Variants in LRRC4C observed in about 807,000 individuals in gnomAD.
LRRC4C encodes the protein leucine rich repeat containing 4C, also known as leucine-rich repeat-containing protein 4C.
In LRRC4C, 5 loss-of-function variants were observed where a neutral mutation model predicts 33.6. The observed-to-expected ratio is 0.15, with a 90% CI of 0.08 to 0.31. LRRC4C has a LOEUF of 0.31. Among genes scored for constraint, LRRC4C ranks in the 10% least tolerant of loss-of-function variants. The pLI is 1.00. For synonymous variants in LRRC4C, 329 were observed against 302.0 expected (o/e 1.09, Z -0.93); for missense variants, 560 against 796.7 (o/e 0.70, Z 3.58).
chr11:40,267,202 A>G (rs1206918928), intron 4 of LRRC4C, among the ~76,000 whole-genome samples: 2 of 152,140 alleles, frequency 1.3e-5, no homozygotes, highest in Non-Finnish European at 2.9e-5. Flanking sequence ...CCTCAATGGC[A>G]TGCATGATCT....
At chr11:41,241,999 G>GT (rs1311168672) in intron 1 of LRRC4C, among the ~76,000 whole-genome samples, 2 of 151,880 alleles carry the variant, frequency 1.3e-5, no homozygotes, top group Admixed American at 6.6e-5. Context: ...CTTTGCTTAA[G>GT]TTTTTTTTGT....
chr11:40,880,454 G>C (rs1286136916), intron 2 of LRRC4C, among the ~76,000 whole-genome samples: 1 of 148,392 alleles, frequency 6.7e-6, no homozygotes. Context: ...GGAGGAGTTT[G>C]ACTTTTTATA....
intron 3 of LRRC4C, among the ~76,000 whole-genome samples, chr11:40,437,404 T>C (rs1590732591): frequency 6.6e-6 from 1 of 152,018 alleles, no homozygotes; most frequent in South Asian, 2.1e-4. Context: ...TTTCTTTTTT[T>C]TTTTTTGGAG....
intron 2 of LRRC4C, among the ~76,000 whole-genome samples, chr11:40,787,494 C>T (rs933846726): frequency 6.6e-6 from 1 of 152,186 alleles, no homozygotes; most frequent in Non-Finnish European, 1.5e-5. Context: ...CAGTTTTCAA[C>T]GTGATCCCAT....
chr11:41,201,032 C>A (rs1006662973), intron 1 of LRRC4C, among the ~76,000 whole-genome samples: 6 of 152,068 alleles, frequency 3.9e-5, no homozygotes, highest in African/African-American at 1.4e-4. Flanking sequence ...ATGTTAATTT[C>A]CAATGTTTTA....
chr11:40,835,800 G>C (rs1299298772), intron 2 of LRRC4C, among the ~76,000 whole-genome samples: 1 of 152,096 alleles, frequency 6.6e-6, no homozygotes, highest in Non-Finnish European at 1.5e-5. Context: ...ATGTTGACCA[G>C]ATTAAATAAT....
At position 40,707,488 on chromosome 11, in the gene LRRC4C, TTTTG is replaced by T. The variant is rs1256183955; in HGVS notation, c.-406-59214_-406-59211del. Among the ~76,000 whole-genome samples the T allele has an allele frequency of 3.3e-5, 5 of 152,176 alleles. No homozygotes were observed. In the East Asian group the frequency reaches 5.8e-4, roughly 18 times the overall value. On this transcript the variant is annotated intron_variant, in intron 2 of 6. Coordinates refer to ENST00000528697, the MANE Select transcript of LRRC4C (RefSeq NM_001258419.2). Reference sequence around the variant, plus strand: ...ATAATCATGTGGTTTTTGTCTTTGGTTTTGTTTATGTGATGGATTACATTTATTG... The same window carrying T: ...ATAATCATGTGGTTTTTGTCTTTGGTTTTATGTGATGGATTACATTTATTG...
intron 1 of LRRC4C, among the ~76,000 whole-genome samples, chr11:41,438,074 A>ACATAAATAAT (rs1565673258): frequency 4.2e-4 from 29 of 69,244 alleles, no homozygotes; most frequent in South Asian, 1.1e-3. Context: ...AATAAATAAT[A>ACATAAATAAT]AAAAAAAATA....
chr11:40,529,920 G>A (rs961669895), intron 3 of LRRC4C, among the ~76,000 whole-genome samples: 2 of 152,034 alleles, frequency 1.3e-5, no homozygotes, highest in African/African-American at 4.8e-5. Context: ...GTAAACCTAT[G>A]TAACAAACCT....
chr11:40,369,858 G>A (rs1948374136), intron 3 of LRRC4C, among the ~76,000 whole-genome samples: 4 of 152,150 alleles, frequency 2.6e-5, no homozygotes, highest in Admixed American at 2.6e-4. Flanking sequence ...GTTAGGTACA[G>A]GAAGCAAATA....
At chr11:40,491,520 A>G (rs182699835) in intron 3 of LRRC4C, among the ~76,000 whole-genome samples, 13 of 152,178 alleles carry the variant, frequency 8.5e-5, no homozygotes, top group South Asian at 2.1e-4. Context: ...TTCACCATCT[A>G]TTGACAGAAT....
chr11:41,018,779 G>A (rs556199270), intron 1 of LRRC4C, among the ~76,000 whole-genome samples: 14 of 152,234 alleles, frequency 9.2e-5, no homozygotes, highest in African/African-American at 2.4e-4. Flanking sequence ...GTGACTCTGC[G>A]TGGTGGTGAA....
intron 1 of LRRC4C, among the ~76,000 whole-genome samples, chr11:41,218,121 T>C (rs1947140175): frequency 1.5e-5 from 2 of 135,950 alleles, no homozygotes; most frequent in African/African-American, 2.8e-5. Context: ...TTACAGACTA[T>C]GACTTCCTCA....
chr11:40,643,472 C>T (rs1292774089), intron 3 of LRRC4C, among the ~76,000 whole-genome samples: 1 of 152,116 alleles, frequency 6.6e-6, no homozygotes, highest in Non-Finnish European at 1.5e-5. Context: ...CCAGGCCACC[C>T]TCCACCCTTT....
At chr11:41,123,765 T>A (rs1177869769) in intron 1 of LRRC4C, among the ~76,000 whole-genome samples, 1 of 152,294 alleles carries the variant, frequency 6.6e-6, no homozygotes, top group East Asian at 1.9e-4. Flanking sequence ...TAAAACATTG[T>A]GCCTATAATT....
chr11:40,281,355 C>G (rs1385890091), intron 4 of LRRC4C, among the ~76,000 whole-genome samples: 1 of 152,166 alleles, frequency 6.6e-6, no homozygotes, highest in Non-Finnish European at 1.5e-5. Flanking sequence ...AGGTGAGCCT[C>G]TCTAGAGATC....
intron 2 of LRRC4C, among the ~76,000 whole-genome samples, chr11:40,809,978 C>G (rs183276666): frequency 7.5e-4 from 114 of 152,286 alleles, no homozygotes; most frequent in Non-Finnish European, 1.4e-3. Context: ...ATTACTCTTT[C>G]TTTACTCCAC....
At chr11:40,277,833 T>C (rs770345521) in intron 4 of LRRC4C, among the ~76,000 whole-genome samples, 6 of 152,148 alleles carry the variant, frequency 3.9e-5, no homozygotes, top group Non-Finnish European at 8.8e-5. Flanking sequence ...CCATAAATGT[T>C]ACCTATCGCT....
intron 1 of LRRC4C, among the ~76,000 whole-genome samples, chr11:41,240,047 T>C (rs913251219): frequency 1.3e-5 from 2 of 152,168 alleles, no homozygotes; most frequent in African/African-American, 4.8e-5. Context: ...TTAATAAAAG[T>C]CAGGTCTCTT....
Sources: gnomAD v4.1 joint callset for allele counts (sites outside exome capture counted in the v4.1 genomes callset) on GRCh38, gnomAD v4.1.1 for gene constraint, MANE v1.5 for transcripts, NCBI Gene and HGNC (gene_info 2026-07-23, HGNC 2026-07-21) for gene names.